EYA4: variants seen among roughly 807,000 people sequenced by gnomAD.
The protein encoded by EYA4 is protein phosphatase EYA4.
Under a neutral mutation model 87.9 loss-of-function variants are expected in EYA4, and 31 were observed. The ratio of observed to expected loss-of-function variants is 0.35; its 90% CI spans 0.27 to 0.48. The LOEUF (loss-of-function observed/expected upper bound fraction) is 0.48. EYA4 is among the 20% of genes least tolerant of loss of function. The pLI, the probability that EYA4 is intolerant of heterozygous loss-of-function variation, is 0.99. For synonymous variants in EYA4, 263 were observed against 270.6 expected (o/e 0.97, Z 0.28); for missense variants, 678 against 761.4 (o/e 0.89, Z 1.29).
intron 18 of EYA4, among the ~76,000 whole-genome samples, chr6:133,523,838 G>C (rs1800397645): frequency 6.6e-6 from 1 of 152,116 alleles, no homozygotes; most frequent in African/African-American, 2.4e-5. Flanking sequence ...ACTTAAAACT[G>C]ATGTATTCCA....
chr6:133,424,975 C>A (rs1201130903), intron 3 of EYA4, among the ~76,000 whole-genome samples: 3 of 150,754 alleles, frequency 2.0e-5, no homozygotes, highest in African/African-American at 7.5e-5. Context: ...AATCTCTTGG[C>A]AACCATGGAT....
At chr6:133,501,677 G>A (rs778616049) in intron 13 of EYA4, among the ~76,000 whole-genome samples, 1 of 151,934 alleles carries the variant, frequency 6.6e-6, no homozygotes, top group South Asian at 2.1e-4. Flanking sequence ...CTATCTTTGT[G>A]TGCACATGTC....
At chr6:133,482,913 A>G (rs1222362615) in intron 12 of EYA4, 119 bp from the exon 13 acceptor site, 70 of 837,550 alleles carry the variant, frequency 8.4e-5, no homozygotes, top group Non-Finnish European at 1.1e-5. Context: ...AATGAATAGT[A>G]TTATTTTCTA....
chr6:133,423,822 TC>T (rs1408317598), intron 3 of EYA4, among the ~76,000 whole-genome samples: 2 of 152,196 alleles, frequency 1.3e-5, no homozygotes, highest in East Asian at 3.9e-4. Context: ...TGTTACGGGA[TC>T]TTTGGGGTGT....
intron 9 of EYA4, among the ~76,000 whole-genome samples, chr6:133,463,329 G>T (rs1794562786): frequency 1.4e-5 from 2 of 145,570 alleles, no homozygotes; most frequent in African/African-American, 2.5e-5. Context: ...TTAAATTTTA[G>T]ACTCCTATTA....
At chr6:133,516,227 G>A (rs1308969120) in intron 17 of EYA4, among the ~76,000 whole-genome samples, 3 of 152,078 alleles carry the variant, frequency 2.0e-5, no homozygotes, top group Non-Finnish European at 4.4e-5. Context: ...AGACACTGGG[G>A]CCTACTTGAG....
intron 13 of EYA4, among the ~76,000 whole-genome samples, chr6:133,488,326 G>A (rs1043494776): frequency 6.6e-6 from 1 of 152,110 alleles, no homozygotes; most frequent in African/African-American, 2.4e-5. Context: ...AGGGACCAGG[G>A]GAACTTGACA....
chr6:133,369,535 C>T (rs1319579716), intron 2 of EYA4, among the ~76,000 whole-genome samples: 2 of 151,984 alleles, frequency 1.3e-5, no homozygotes, highest in South Asian at 2.1e-4. Context: ...TGTTGACATA[C>T]ATGTGTACCT....
chr6:133,277,715 C>T (rs983861565), intron 2 of EYA4, among the ~76,000 whole-genome samples: 1 of 152,190 alleles, frequency 6.6e-6, no homozygotes, highest in Non-Finnish European at 1.5e-5. Flanking sequence ...CTCTCCTTCC[C>T]TCTCCCAGCT....
intron 2 of EYA4, among the ~76,000 whole-genome samples, chr6:133,276,561 G>T (rs750024289): frequency 6.6e-6 from 1 of 152,160 alleles, no homozygotes; most frequent in Non-Finnish European, 1.5e-5. Flanking sequence ...AGGTCATGGA[G>T]CTCACTATTT....
intron 2 of EYA4, among the ~76,000 whole-genome samples, chr6:133,329,220 T>G (rs1353724143): frequency 6.6e-6 from 1 of 152,122 alleles, no homozygotes; most frequent in African/African-American, 2.4e-5. Context: ...TTTCTGAACT[T>G]ATTTTTTCCA....
At chr6:133,377,380 T>C (rs533020184) in intron 2 of EYA4, among the ~76,000 whole-genome samples, 2 of 152,142 alleles carry the variant, frequency 1.3e-5, no homozygotes, top group African/African-American at 4.8e-5. Flanking sequence ...TTCAGCCACA[T>C]TTCAAGCTCT....
intron 2 of EYA4, among the ~76,000 whole-genome samples, chr6:133,312,368 A>T (rs1176347220): frequency 6.7e-6 from 1 of 148,856 alleles, no homozygotes; most frequent in Non-Finnish European, 1.5e-5. Flanking sequence ...TGTGTGTGTG[A>T]GAGAGAGGCG....
intron 1 of EYA4, among the ~76,000 whole-genome samples, chr6:133,245,794 A>G (rs1774359814): frequency 6.6e-6 from 1 of 152,238 alleles, no homozygotes. Flanking sequence ...TTACACATTC[A>G]AAAGAAGTAC....
chr6:133,511,296 T>C (rs1440350201), intron 14 of EYA4, among the ~76,000 whole-genome samples: 1 of 152,100 alleles, frequency 6.6e-6, no homozygotes, highest in Admixed American at 6.6e-5. Flanking sequence ...TTGTTTAGTA[T>C]GGTGTATTTT....
chr6:133,454,538 T>C (rs1201822513), intron 5 of EYA4, among the ~76,000 whole-genome samples: 2 of 152,176 alleles, frequency 1.3e-5, no homozygotes, highest in Admixed American at 1.3e-4. Context: ...AACCTTTTTG[T>C]GCCTCAGTTT....
chr6:133,266,352 C>A (rs1283513801), intron 1 of EYA4, among the ~76,000 whole-genome samples: 1 of 152,070 alleles, frequency 6.6e-6, no homozygotes, highest in Non-Finnish European at 1.5e-5. Context: ...GGCCAGCAAC[C>A]CCCAGAAGCT....
intron 3 of EYA4, among the ~76,000 whole-genome samples, chr6:133,408,205 C>T (rs1788894677): frequency 6.6e-6 from 1 of 151,896 alleles, no homozygotes; most frequent in Non-Finnish European, 1.5e-5. Flanking sequence ...CGTCCTTCCT[C>T]CATCTTTTGT....
chr6:133,271,729 C>T (rs548867372), intron 1 of EYA4, among the ~76,000 whole-genome samples: 19 of 152,278 alleles, frequency 1.2e-4, no homozygotes, highest in African/African-American at 4.6e-4. Flanking sequence ...CATGTGTAAC[C>T]TCCATCCCTG....
Sources: allele counts gnomAD v4.1 joint callset (sites outside exome capture counted in the v4.1 genomes callset), GRCh38; gene constraint gnomAD v4.1.1; transcripts MANE v1.5; gene names NCBI Gene and HGNC (gene_info 2026-07-23, HGNC 2026-07-21).